The following CLN3 variants were observed in gnomAD, a reference collection of about 807,000 sequenced individuals.
CLN3 encodes CLN3 lysosomal/endosomal transmembrane protein, battenin.
Under a neutral mutation model 60.7 loss-of-function variants are expected in CLN3, and 49 were observed. The ratio of observed to expected loss-of-function variants is 0.81; its 90% CI spans 0.64 to 1.02. The LOEUF is 1.02. CLN3 is among the 50% of genes least tolerant of loss of function. CLN3 has a pLI of 0.00. For synonymous variants in CLN3, 256 were observed against 245.8 expected (o/e 1.04, Z -0.39); for missense variants, 516 against 557.4 (o/e 0.93, Z 0.75).
downstream of CLN3, chr16:28,470,635 G>GA: frequency 9.7e-6 from 1 of 103,266 alleles, no homozygotes. Flanking sequence ...AGGGGAGGGG[G>GA]AGGGGAAGGG....
chr16:28,487,369 CCTCTGGGAGGCTGGGGAGA>C, intron 7 of CLN3, 68 bp downstream of exon 7: 3 of 1,104,344 alleles, frequency 2.7e-6, no homozygotes, highest in Non-Finnish European at 2.8e-6. Context: ...GAATCCCTTT[CCTCTGGGAGGCTGGGGAGA>C]CTCTTCCCAC....
intron 7 of CLN3, 102 bp from the exon 8 acceptor site, chr16:28,486,752 G>T: frequency 9.0e-7 from 1 of 1,112,522 alleles, no homozygotes; most frequent in Non-Finnish European, 1.3e-6. Flanking sequence ...AGCTCATAGA[G>T]GCTCCAATAG....
chr16:28,469,969 C>A (rs1170052232), downstream of CLN3, among the ~76,000 whole-genome samples: 10 of 129,630 alleles, frequency 7.7e-5, no homozygotes, highest in Admixed American at 3.8e-4. Flanking sequence ...GAGACTCTGT[C>A]TAAAAAAAAA....
At chr16:28,488,104 G>A (rs1310428850) in intron 5 of CLN3, 2 of 245,494 alleles carry the variant, frequency 8.1e-6, no homozygotes, top group African/African-American at 2.3e-5. Context: ...GTAGTGGCTC[G>A]ATCTTGGCTC....
the CLN3 span, among the ~76,000 whole-genome samples, chr16:28,468,485 CAAAT>C: frequency 6.7e-6 from 1 of 149,076 alleles, no homozygotes; most frequent in Non-Finnish European, 1.5e-5. Flanking sequence ...ACTTCATTCA[CAAAT>C]AAGTATCAAA....
At chr16:28,475,878 G>C (rs1169089000), downstream of CLN3, 1 of 151,174 alleles carries the variant, frequency 6.6e-6, no homozygotes, top group East Asian at 1.9e-4. Flanking sequence ...CACTAAGTCA[G>C]ACTCAGTTTT....
chr16:28,487,792 C>T (rs1199622975), intron 5 of CLN3, 51 bp from the exon 6 acceptor site: 4 of 1,486,764 alleles, frequency 2.7e-6, no homozygotes, highest in Non-Finnish European at 3.7e-6. Flanking sequence ...GGACAACCCT[C>T]CCAACCACGT....
At chr16:28,488,164 C>T (rs2046252944) in intron 5 of CLN3, 4 of 196,270 alleles carry the variant, frequency 2.0e-5, no homozygotes, top group Non-Finnish European at 4.3e-5. Context: ...CCTCAGCCTC[C>T]TGAGTAGCTG....
Position 28,486,293 on chromosome 16 carries a change from T to C in CLN3, c.677+54A>G, listed in dbSNP as rs1047906462. On this transcript the variant is annotated intron_variant, in intron 9 of 15. Transcript: ENST00000636147. ...AGGCGTGAGCCACCACACCCAGCCA[T>C]GGCCAAGTTTTCTCTCCTTGGACCC... The C allele has an allele frequency of 4.4e-6, 7 of 1,607,762 alleles. No homozygotes were observed. In the Admixed American group the frequency reaches 8.3e-5, roughly 19 times the overall value.
downstream of CLN3, among the ~76,000 whole-genome samples, chr16:28,471,778 TA>T (rs1162020158): frequency 6.3e-4 from 93 of 148,426 alleles, no homozygotes; most frequent in African/African-American, 1.8e-3. Flanking sequence ...TCCTTATCTA[TA>T]ATCATCTTAC....
chr16:28,470,886 T>A (rs2045945987), downstream of CLN3, among the ~76,000 whole-genome samples: 1 of 117,174 alleles, frequency 8.5e-6, no homozygotes, highest in African/African-American at 3.1e-5. Context: ...AAGGTTCTGC[T>A]ATCCGCCAAA....
At chr16:28,487,976 C>A in intron 5 of CLN3, 1 of 525,354 alleles carries the variant, frequency 1.9e-6, no homozygotes, top group South Asian at 2.0e-5. Context: ...TAGCACCTAG[C>A]TCACAGGACT....
At chr16:28,470,563 A>C (rs1215756775), downstream of CLN3, 13 of 83,868 alleles carry the variant, frequency 1.6e-4, no homozygotes, top group Non-Finnish European at 1.9e-4. Context: ...GGGGAGGGGG[A>C]GGGGAAGGGG....
At chr16:28,474,438 C>T (rs1049579792), downstream of CLN3, among the ~76,000 whole-genome samples, 1 of 151,924 alleles carries the variant, frequency 6.6e-6, no homozygotes. Flanking sequence ...CCATCCTGCG[C>T]AACAGAGCGA....
chr16:28,472,854 G>T (rs1313366729), downstream of CLN3, among the ~76,000 whole-genome samples: 1 of 150,550 alleles, frequency 6.6e-6, no homozygotes, highest in Non-Finnish European at 1.5e-5. Flanking sequence ...AGGCAGGATG[G>T]TCTCGATCTC....
At chr16:28,480,603 G>C (rs909652157) in intron 14 of CLN3, among the ~76,000 whole-genome samples, 3 of 151,922 alleles carry the variant, frequency 2.0e-5, no homozygotes, top group African/African-American at 7.3e-5. Context: ...GTTTCACTGT[G>C]TTGGCCAGAC....
chr16:28,470,516 A>C, downstream of CLN3: 1 of 737,856 alleles, frequency 1.4e-6, no homozygotes, highest in South Asian at 1.6e-5. Flanking sequence ...AGGGAAGGGG[A>C]CGGGGACCGG....
rs754331166 is a variant in CLN3, at chr16:28,486,635, C to G, written c.476G>C (p.Ser159Thr). 3.1e-6 allele frequency: 5 copies of G among 1,609,644 alleles called. No homozygotes were observed. The South Asian group carries it at 5.5e-5, about 18-fold the overall frequency. The change falls in exon 8 of 16, where the codon AGC becomes ACC. Residue 159 changes from serine (S) to threonine (T), a missense_variant. By Grantham distance (58) the Ser-to-Thr change is moderately conservative. Coordinates refer to ENST00000636147, the MANE Select transcript of CLN3 (RefSeq NM_001042432.2). ...GACCTCCCCAAGGCCTGATGAGATG[C>G]TAGCGAAGACCACACCTGGGGGGAG... ...GTSLCGVVFASISSGLGEVTF... is the reference protein window; with the variant it reads ...GTSLCGVVFATISSGLGEVTF...
chr16:28,472,456 C>G (rs1243027573), downstream of CLN3, among the ~76,000 whole-genome samples: 1 of 152,126 alleles, frequency 6.6e-6, no homozygotes, highest in African/African-American at 2.4e-5. Flanking sequence ...TTTTTCTGCA[C>G]AGACTGCTGT....
Sources: allele counts gnomAD v4.1 joint callset (sites outside exome capture counted in the v4.1 genomes callset), GRCh38; gene constraint gnomAD v4.1.1; transcripts MANE v1.5; gene names NCBI Gene and HGNC (gene_info 2026-07-23, HGNC 2026-07-21).